BCL9: variants seen among roughly 807,000 people sequenced by gnomAD.
The protein encoded by BCL9 is B-cell CLL/lymphoma 9 protein.
BCL9 carries 25 observed loss-of-function variants against 88.5 expected under a neutral mutation model. The observed-to-expected ratio is 0.28, with a 90% CI of 0.21 to 0.39. The LOEUF (loss-of-function observed/expected upper bound fraction) is 0.39. Among genes scored for constraint, BCL9 ranks in the 10% least tolerant of loss-of-function variants. The probability of loss-of-function intolerance (pLI) is 1.00; values close to 1 mark genes in which losing one functional copy is unlikely to be tolerated. For synonymous variants in BCL9, 711 were observed against 673.3 expected, an observed-to-expected ratio of 1.06 and a Z score of -0.87; for missense variants, 1,817 against 1,877.8, an observed-to-expected ratio of 0.97 and a Z score of 0.60.
In BCL9 at chr1:147,624,964, C is replaced by A; in HGVS notation, c.*5C>A. ...CCAGGAAACATGATGTTTTAAGCTG[C>A]TAAGATGGGATGTGCCGATCCTTGT... On this transcript the variant is annotated 3_prime_UTR_variant, in exon 10 of 10. Transcript: ENST00000234739. The surrounding 1 kb of genome is among the most constrained non-coding windows in gnomAD (Gnocchi z 4.4). 6.2e-7 allele frequency: 1 copy of A among 1,601,920 alleles called. No homozygotes were observed.
chr1:147,570,637 TTC>T (rs200963984), intron 1 of BCL9, among the ~76,000 whole-genome samples: 4 of 11,214 alleles, frequency 3.6e-4, no homozygotes, highest in Non-Finnish European at 3.1e-4. Flanking sequence ...TTTCTTTTTT[TTC>T]TTTTTTTTTT....
intron 1 of BCL9, among the ~76,000 whole-genome samples, chr1:147,550,470 T>C (rs782383737): frequency 1.3e-5 from 2 of 151,952 alleles, no homozygotes; most frequent in Admixed American, 1.3e-4. Context: ...ACAAAAAAAA[T>C]TGGGAGAGGG....
intron 7 of BCL9, 52 bp downstream of exon 7, chr1:147,615,954 A>G: frequency 6.6e-7 from 1 of 1,524,800 alleles, no homozygotes; most frequent in Non-Finnish European, 9.0e-7. Flanking sequence ...CAGTGACTGC[A>G]AAGGAAAGGA....
Position 147,614,430 on chromosome 1 carries a change from G to A in BCL9, c.374G>A (p.Cys125Tyr), listed in dbSNP as rs1384776331. 29 of 1,613,478 alleles carry A rather than the reference G, an allele frequency of 1.8e-5. No homozygotes were observed. The highest frequency in any genetic ancestry group is 2.3e-5 in the Non-Finnish European group (27 of 1,179,586). Residue 125 changes from cysteine (C) to tyrosine (Y), a missense_variant, in exon 6 of 10, where the codon TGT becomes TAT. By Grantham distance (194) the Cys-to-Tyr change is radical (BLOSUM62 -2). Around this residue, in one of 2 missense-constraint regions of BCL9, gnomAD observed 1,228 missense variants for 1,191.6 expected, o/e 1.03. Coordinates refer to ENST00000234739, the MANE Select transcript of BCL9 (RefSeq NM_004326.4). ...ACGAGTCATTTTATTCTTTTAGAAT[G>A]TAATTCTGCTGACCACATAAAGTCC... ...TPNDDSDIKE[C>Y]NSADHIKSQD... is the part of the protein sequence containing the mutation.
At chr1:147,591,561 G>A (rs1553199902) in intron 1 of BCL9, among the ~76,000 whole-genome samples, 1 of 152,154 alleles carries the variant, frequency 6.6e-6, no homozygotes, top group East Asian at 1.9e-4. Flanking sequence ...TTAGAATAGT[G>A]CTTGGCACAT....
chr1:147,571,532 G>A (rs1322446954), intron 1 of BCL9, among the ~76,000 whole-genome samples: 3 of 152,144 alleles, frequency 2.0e-5, no homozygotes, highest in Non-Finnish European at 4.4e-5. Context: ...GGGAATTTGG[G>A]GGAGAGTTTA....
chr1:147,583,454 T>C (rs1656456858), intron 1 of BCL9, among the ~76,000 whole-genome samples: 1 of 151,696 alleles, frequency 6.6e-6, no homozygotes. Context: ...ATTTTTGTAT[T>C]TTTAGTAGAG....
At position 147,541,587 on chromosome 1, in the gene BCL9, A is replaced by T. The variant is rs1332580462; in HGVS notation, c.-565A>T. Reference sequence around the variant, plus strand: ...GTGTCTTGATACCAGGAGGCCAGGGATTGCGGGAAAAGGGTCTTTTTTGTC... The same window carrying T: ...GTGTCTTGATACCAGGAGGCCAGGGTTTGCGGGAAAAGGGTCTTTTTTGTC... On this transcript the variant is annotated 5_prime_UTR_variant, in exon 1 of 10. Coordinates refer to ENST00000234739, the MANE Select transcript of BCL9 (RefSeq NM_004326.4). 6.6e-6 allele frequency: 1 copy of T among 152,062 alleles called. No homozygotes were observed. The highest frequency in any genetic ancestry group is 1.5e-5 in the Non-Finnish European group (1 of 68,120). 9.4% of individuals were successfully genotyped at this position (152,062 alleles called of 1,614,324 possible). A position where few individuals can be genotyped will look rare whatever the true frequency, so the allele number is the denominator to read the frequency against.
chr1:147,556,282 CTAT>C, intron 1 of BCL9, among the ~76,000 whole-genome samples: 1 of 10,686 alleles, frequency 9.4e-5, no homozygotes, highest in East Asian at 2.8e-3. Context: ...CCACTCCTGA[CTAT>C]TTTTTTTTTT....
intron 1 of BCL9, among the ~76,000 whole-genome samples, chr1:147,596,939 C>T (rs1434804343): frequency 6.6e-6 from 1 of 152,114 alleles, no homozygotes; most frequent in Admixed American, 6.5e-5. Flanking sequence ...CCTCTTATAA[C>T]CCTGATACTA....
chr1:147,561,567 CTATT>C (rs782744309), intron 1 of BCL9, among the ~76,000 whole-genome samples: 3 of 152,166 alleles, frequency 2.0e-5, no homozygotes, highest in Non-Finnish European at 4.4e-5. Flanking sequence ...ATTTTAGTGT[CTATT>C]TGTCTATTTA....
chr1:147,563,341 A>G (rs74698160), intron 1 of BCL9, among the ~76,000 whole-genome samples: 1 of 152,228 alleles, frequency 6.6e-6, no homozygotes, highest in African/African-American at 2.4e-5. Context: ...TGATTAGAAC[A>G]GAGCCTAACA....
chr1:147,624,929 A>C lies in BCL9; in HGVS notation c.4251A>C (p.Gly1417=), dbSNP rs1553206332. ...ADVGMGGFSQ[G]PGNPGNMMF is the part of the protein sequence containing the mutation. The stretch of plus-strand genomic sequence containing the variant: ...TGGGCATGGGTGGATTTAGCCAAGG[A>C]CCTGGCAACCCAGGAAACATGATGT... Residue 1417 remains glycine, a synonymous_variant, in exon 10 of 10, where the codon GGA becomes GGC. Coordinates refer to ENST00000234739, the MANE Select transcript of BCL9 (RefSeq NM_004326.4). The surrounding 1 kb of genome is among the most constrained non-coding windows in gnomAD (Gnocchi z 4.4). The C allele has an allele frequency of 1.2e-6, 2 of 1,610,612 alleles. No individual in the cohort carries two copies. Among genetic ancestry groups the C allele is most frequent in the South Asian group, 2.2e-5 (2 of 91,028 alleles).
rs1658371944 is a variant in BCL9 at position 147,617,908 on chromosome 1, AC to A, written c.661-905del. ...TATTTCAGCAGTGCTCTTGGTTTAG[AC>A]CCAGAACATACACATCTCTCTTCCA... On this transcript the variant is annotated intron_variant, in intron 7 of 9. Transcript: ENST00000234739. Among the ~76,000 whole-genome samples the A allele has an allele frequency of 6.6e-5, 10 of 152,290 alleles. No homozygotes were observed. In the South Asian group the frequency reaches 2.1e-3, roughly 32 times the overall value.
intron 8 of BCL9, among the ~76,000 whole-genome samples, chr1:147,621,639 G>A (rs1316266752): frequency 2.0e-5 from 3 of 152,188 alleles, no homozygotes; most frequent in Non-Finnish European, 4.4e-5. Context: ...GTGGTCAGTG[G>A]AAGTAGTGCC....
intron 1 of BCL9, among the ~76,000 whole-genome samples, chr1:147,545,453 C>T (rs751256557): frequency 1.3e-5 from 2 of 152,180 alleles, no homozygotes; most frequent in South Asian, 2.1e-4. Context: ...GTGAGTAAAA[C>T]GAGGATCTGG....
Position 147,620,881 on chromosome 1 carries a change from C to G in BCL9, c.2726C>G (p.Pro909Arg), listed in dbSNP as rs1406542544. ...PAAAASIKSPPVLGSAAASPV... is the reference protein window; with the variant it reads ...PAAAASIKSPRVLGSAAASPV... ...GCTGCTGCTTCCATTAAGTCCCCCCCTGTTTTGGGGTCTGCTGCTGCTTCA... is the reference window on the plus strand; with the variant it reads ...GCTGCTGCTTCCATTAAGTCCCCCCGTGTTTTGGGGTCTGCTGCTGCTTCA... The change falls in exon 8 of 10, where the codon CCT becomes CGT. Residue 909 changes from proline to arginine, a missense_variant. This residue lies in a region of BCL9 where 1,228 missense variants were observed against 1,191.6 expected (regional missense o/e 1.03). Transcript: ENST00000234739. 6.2e-7 allele frequency: 1 copy of G among 1,614,196 alleles called. No homozygotes were observed. Among genetic ancestry groups the G allele is most frequent in the Non-Finnish European group, 8.5e-7 (1 of 1,180,034 alleles).
At chr1:147,622,648 T>G in intron 9 of BCL9, 117 bp downstream of exon 9, 1 of 1,316,522 alleles carries the variant, frequency 7.6e-7, no homozygotes, top group Non-Finnish European at 1.0e-6. Context: ...GTAGAAAAAA[T>G]CTTCCATCTA....
rs1658805945 is a variant in BCL9 at position 147,624,132 on chromosome 1, C to T, written c.3454C>T (p.Pro1152Ser). 3.1e-6 allele frequency: 5 copies of T among 1,595,514 alleles called. No homozygotes were observed. The highest frequency in any genetic ancestry group is 4.3e-6 in the Non-Finnish European group (5 of 1,169,122). The change falls in exon 10 of 10, where the codon CCA (proline) becomes TCA (serine). Residue 1152 changes from proline to serine, a missense_variant. Physicochemically the swap from Pro to Ser is moderately conservative, Grantham distance 74. Around this residue, in one of 2 missense-constraint regions of BCL9, gnomAD observed 589 missense variants for 686.2 expected, o/e 0.86. Coordinates refer to ENST00000234739, the MANE Select transcript of BCL9 (RefSeq NM_004326.4). The surrounding 1 kb of genome is among the most constrained non-coding windows in gnomAD (Gnocchi z 4.4). ...AGTACAGTCTCCCCCACAGCAGGTT[C>T]CATTCCCTCACAATGGCCCCAGTGG... ...PPVQSPPQQV[P>S]FPHNGPSGGQ...
Sources: allele counts gnomAD v4.1 joint callset (sites outside exome capture counted in the v4.1 genomes callset), GRCh38; gene constraint gnomAD v4.1.1; regional missense constraint gnomAD v4.1.1; non-coding constraint Gnocchi (gnomAD v3.1); transcripts MANE v1.5; gene names NCBI Gene and HGNC (gene_info 2026-07-23, HGNC 2026-07-21).